Variants in DIAPH2 observed in about 807,000 individuals in gnomAD.
The protein encoded by DIAPH2 is diaphanous related formin 2, also known as protein diaphanous homolog 2.
Under a neutral mutation model 92.7 loss-of-function variants are expected in DIAPH2, and 35 were observed. The ratio of observed to expected loss-of-function variants is 0.38; its 90% CI spans 0.29 to 0.50. The LOEUF is 0.50. Among genes scored for constraint, DIAPH2 ranks in the 20% least tolerant of loss-of-function variants. DIAPH2 has a pLI of 0.94. For missense variants in DIAPH2, 701 were observed against 819.5 expected, an observed-to-expected ratio of 0.86 and a Z score of 1.77; for synonymous variants, 301 against 280.4, an observed-to-expected ratio of 1.07 and a Z score of -0.73.
At chrX:96,821,522 C>G (rs1292673287) in intron 4 of DIAPH2, among the ~76,000 whole-genome samples, 2 of 111,971 alleles carry the variant, frequency 1.8e-5, no homozygotes, top group Non-Finnish European at 3.8e-5. Context: ...TGATCACACC[C>G]ATGTCTCACT....
intron 1 of DIAPH2, chrX:96,701,528 A>G (rs2063855178): frequency 9.1e-6 from 1 of 110,117 alleles, no homozygotes. Flanking sequence ...CGAGTGCAGT[A>G]GTGAGAAGTG....
intron 22 of DIAPH2, among the ~76,000 whole-genome samples, chrX:97,194,154 T>G (rs1273016837): frequency 9.0e-6 from 1 of 111,555 alleles, no homozygotes; most frequent in Non-Finnish European, 1.9e-5. Flanking sequence ...GTCTTGCATT[T>G]GCTCCATATC....
chrX:97,052,218 A>T (rs186864837), intron 17 of DIAPH2, among the ~76,000 whole-genome samples: 3 of 111,368 alleles, frequency 2.7e-5, no homozygotes, highest in African/African-American at 9.8e-5. Context: ...AAGCAGAGGT[A>T]ATTGAGCTGT....
chrX:97,027,271 T>C (rs2066341938), intron 17 of DIAPH2, among the ~76,000 whole-genome samples: 1 of 112,339 alleles, frequency 8.9e-6, no homozygotes, highest in Admixed American at 9.4e-5. Context: ...AAGCTGAATA[T>C]CTAATTCTTT....
At chrX:96,889,544 G>T (rs1408013497) in intron 5 of DIAPH2, among the ~76,000 whole-genome samples, 1 of 111,859 alleles carries the variant, frequency 8.9e-6, no homozygotes, top group African/African-American at 3.2e-5. Context: ...ATATTATGTG[G>T]TTTGTTTTTA....
At chrX:96,943,997 C>T (rs2065722912) in intron 13 of DIAPH2, among the ~76,000 whole-genome samples, 1 of 111,515 alleles carries the variant, frequency 9.0e-6, no homozygotes, top group African/African-American at 3.2e-5. Flanking sequence ...GTTCAAAATC[C>T]TTTGTGAGAA....
At chrX:96,962,340 TATATATATATACACATATATATATAC>T (rs2065859269) in intron 16 of DIAPH2, among the ~76,000 whole-genome samples, 14 of 39,560 alleles carry the variant, frequency 3.5e-4, no homozygotes, top group African/African-American at 1.3e-3. Context: ...TATATATACA[TATATATATATACACATATATATATAC>T]ACATATATAT....
intron 1 of DIAPH2, among the ~76,000 whole-genome samples, chrX:96,692,922 A>G (rs1429638055): frequency 1.8e-5 from 2 of 112,220 alleles, no homozygotes; most frequent in South Asian, 3.7e-4. Context: ...CCCCTTTGAT[A>G]TAGTCTAGGT....
intron 20 of DIAPH2, among the ~76,000 whole-genome samples, chrX:97,112,202 C>A (rs2147376171): frequency 9.0e-6 from 1 of 111,626 alleles, no homozygotes; most frequent in African/African-American, 3.3e-5. Flanking sequence ...CCCACATATG[C>A]CTAAGGGTTT....
rs771282538 is a variant in DIAPH2, at chrX:96,687,514, A to G, written c.132+2324A>G. ...GAGTCCAGTGGCGCGATCTTGGCTC[A>G]CTGCAACCTCTGCCTCCCGGGTTCA... On this transcript the variant is annotated intron_variant, in intron 1 of 26. Coordinates refer to ENST00000324765, the MANE Select transcript of DIAPH2 (RefSeq NM_006729.5). Among the ~76,000 whole-genome samples the G allele has an allele frequency of 3.7e-5, 4 of 107,941 alleles. No homozygotes were observed. In the East Asian group the frequency reaches 8.7e-4, roughly 23 times the overall value. The allele number at this position is 107,941 out of a possible 115,157, so 93.7% of individuals were successfully genotyped here.
At chrX:96,937,412 G>A (rs1331586856) in intron 11 of DIAPH2, 61 bp downstream of exon 11, 2 of 693,756 alleles carry the variant, frequency 2.9e-6, no homozygotes, top group Non-Finnish European at 4.2e-6. Flanking sequence ...ATTTGTGGGC[G>A]ATTTTGTGGA....
chrX:97,043,255 A>C (rs973894448), intron 17 of DIAPH2, among the ~76,000 whole-genome samples: 1 of 111,285 alleles, frequency 9.0e-6, no homozygotes, highest in African/African-American at 3.3e-5. Flanking sequence ...CTGCTTTGCT[A>C]TCTTTGCTTG....
intron 22 of DIAPH2, among the ~76,000 whole-genome samples, chrX:97,205,935 A>C (rs1443371684): frequency 8.9e-6 from 1 of 111,864 alleles, no homozygotes; most frequent in Admixed American, 9.5e-5. Context: ...ATGGATAAAG[A>C]AAATGTGACA....
chrX:97,064,184 C>T (rs766011326), intron 17 of DIAPH2, among the ~76,000 whole-genome samples: 2 of 111,758 alleles, frequency 1.8e-5, no homozygotes, highest in South Asian at 7.6e-4. Context: ...ATTTTTAATA[C>T]CCACATTTTC....
intron 26 of DIAPH2, among the ~76,000 whole-genome samples, chrX:97,532,861 G>A (rs2071069328): frequency 8.9e-6 from 1 of 112,028 alleles, no homozygotes; most frequent in Admixed American, 9.5e-5. Flanking sequence ...ACTGACACTA[G>A]AGTGGGCAAT....
chrX:97,395,712 G>A (rs780882124), intron 25 of DIAPH2, among the ~76,000 whole-genome samples: 136 of 111,984 alleles, frequency 1.2e-3, no homozygotes, highest in African/African-American at 4.3e-3. Context: ...TGCCTTAGCA[G>A]TAAAACAAAT....
intron 22 of DIAPH2, among the ~76,000 whole-genome samples, chrX:97,230,611 A>G (rs1225328564): frequency 8.9e-6 from 1 of 112,261 alleles, no homozygotes; most frequent in African/African-American, 3.2e-5. Context: ...CTGGAGTGCA[A>G]TGGTGCAGTC....
At chrX:97,237,821 T>C (rs1012495165) in intron 22 of DIAPH2, among the ~76,000 whole-genome samples, 1 of 111,180 alleles carries the variant, frequency 9.0e-6, no homozygotes. Context: ...GACCTCGTGA[T>C]CCACCCGCCT....
At chrX:97,120,786 C>T (rs2067052352) in intron 21 of DIAPH2, among the ~76,000 whole-genome samples, 1 of 110,049 alleles carries the variant, frequency 9.1e-6, no homozygotes, top group Admixed American at 9.7e-5. Flanking sequence ...GAGGCCATTA[C>T]ATGGTATTAG....
Sources: allele counts gnomAD v4.1 joint callset (sites outside exome capture counted in the v4.1 genomes callset), GRCh38; gene constraint gnomAD v4.1.1; transcripts MANE v1.5; gene names NCBI Gene and HGNC (gene_info 2026-07-23, HGNC 2026-07-21).